Variants in SOX6 observed in about 807,000 individuals in gnomAD.
SOX6 encodes the protein transcription factor SOX-6.
Under a neutral mutation model 97.8 loss-of-function variants are expected in SOX6, and 11 were observed. That is an observed-to-expected ratio of 0.11 (90% CI 0.07 to 0.19). The LOEUF is 0.19. Among genes scored for constraint, SOX6 ranks in the 10% least tolerant of loss-of-function variants. The probability of loss-of-function intolerance (pLI) is 1.00; values close to 1 mark genes in which losing one functional copy is unlikely to be tolerated. For synonymous variants in SOX6, 360 were observed against 371.4 expected (o/e 0.97, Z 0.35); for missense variants, 810 against 1,039.5 (o/e 0.78, Z 3.04).
intron 6 of SOX6, among the ~76,000 whole-genome samples, chr11:16,158,729 T>G (rs16932650): frequency 6.6e-6 from 1 of 151,932 alleles, no homozygotes; most frequent in Admixed American, 6.6e-5. Context: ...GGAATTGATA[T>G]AAAATTTTGC....
chr11:16,000,037 C>T (rs1269568433), intron 13 of SOX6, among the ~76,000 whole-genome samples: 1 of 152,130 alleles, frequency 6.6e-6, no homozygotes, highest in Non-Finnish European at 1.5e-5. Flanking sequence ...TATCTTAATA[C>T]AACAGAGGTC....
At position 16,164,887 on chromosome 11, in the gene SOX6, T is replaced by C. The variant is rs573732523; in HGVS notation, c.777+18999A>G. 2.0e-5 allele frequency among the ~76,000 whole-genome samples: 3 copies of C among 151,998 alleles called. No homozygotes were observed. The South Asian group carries it at 6.3e-4, about 32-fold the overall frequency. On this transcript the variant is annotated intron_variant, in intron 6 of 15. Transcript: ENST00000683767. ...CACAGAGAGACAACAGTATGTCTCA[T>C]ATTTCCTGTATTGATTGACTTCATA...
intron 4 of SOX6, among the ~76,000 whole-genome samples, chr11:16,482,773 AC>A (rs78106498): frequency 0.22 from 33,366 of 152,110 alleles, 4,154 homozygotes; most frequent in East Asian, 0.51. Flanking sequence ...CCTTATACAT[AC>A]TTCACATTTC....
intron 1 of SOX6, among the ~76,000 whole-genome samples, chr11:16,408,394 C>T (rs1042601226): frequency 6.7e-6 from 1 of 150,162 alleles, no homozygotes; most frequent in Non-Finnish European, 1.5e-5. Context: ...TCCTTAAGAA[C>T]ATTGTCTCTA....
At chr11:16,217,475 C>T (rs1590038134) in intron 4 of SOX6, among the ~76,000 whole-genome samples, 1 of 151,920 alleles carries the variant, frequency 6.6e-6, no homozygotes, top group South Asian at 2.1e-4. Flanking sequence ...CAATGTACTT[C>T]TAAAATAAAA....
chr11:16,107,655 T>TTA (rs1264984179), intron 7 of SOX6, among the ~76,000 whole-genome samples: 1 of 151,880 alleles, frequency 6.6e-6, no homozygotes, highest in Admixed American at 6.6e-5. Flanking sequence ...GAGAGAGTTA[T>TTA]TATTTAATGG....
intron 6 of SOX6, among the ~76,000 whole-genome samples, chr11:16,151,732 G>A (rs1359495047): frequency 6.6e-6 from 1 of 152,062 alleles, no homozygotes; most frequent in African/African-American, 2.4e-5. Flanking sequence ...TAAAAACTAT[G>A]GCAAGCTGAA....
chr11:16,432,265 G>A (rs1859286042), intron 1 of SOX6, among the ~76,000 whole-genome samples: 1 of 152,026 alleles, frequency 6.6e-6, no homozygotes, highest in Non-Finnish European at 1.5e-5. Flanking sequence ...ACAATGAAAA[G>A]ACATCAGCAC....
chr11:16,588,449 T>C (rs187208073), intron 4 of SOX6, among the ~76,000 whole-genome samples: 21 of 152,282 alleles, frequency 1.4e-4, no homozygotes, highest in African/African-American at 4.6e-4. Flanking sequence ...AAGAGAGTAC[T>C]GATAATAATG....
At position 16,345,687 on chromosome 11, in the gene SOX6, A is replaced by T. The variant is rs547885131; in HGVS notation, c.-4-4435T>A. 4.8e-4 allele frequency among the ~76,000 whole-genome samples: 73 copies of T among 152,048 alleles called. 1 individual carries two copies. The highest frequency in any genetic ancestry group is 8.8e-4 in the Non-Finnish European group (60 of 67,964). ...TGAGAATGCTGGATATGTGCACATT[A>T]AGTCTTCTATCTCAGAATATCATAT... On this transcript the variant is annotated intron_variant, in intron 1 of 15. Transcript: ENST00000683767.
chr11:16,558,603 C>G (rs1328859117), intron 4 of SOX6, among the ~76,000 whole-genome samples: 1 of 151,954 alleles, frequency 6.6e-6, no homozygotes, highest in Non-Finnish European at 1.5e-5. Context: ...CTCAAGACTT[C>G]CAACATTCTA....
intron 2 of SOX6, among the ~76,000 whole-genome samples, chr11:16,325,851 TA>T (rs1856071805): frequency 6.6e-6 from 1 of 152,134 alleles, no homozygotes; most frequent in South Asian, 2.1e-4. Flanking sequence ...AGCAACCTTA[TA>T]AAAGTGCTGA....
In SOX6 at chr11:16,584,786, G is replaced by A. The variant is rs140247928; in HGVS notation, n.609+27295C>T. Among the ~76,000 whole-genome samples, 951 of 152,248 alleles carry A rather than the reference G, an allele frequency of 6.2e-3. 3 individuals carry two copies. Among genetic ancestry groups the A allele is most frequent in the African/African-American group, 0.021 (853 of 41,548 alleles). On this transcript the variant is annotated intron_variant and non_coding_transcript_variant, in intron 4 of 5. Coordinates refer to the SOX6 transcript ENST00000524520. ...AGGGTCACCAACTCAACACCACAGC[G>A]GCCTTCACCCACAGCCTTCTGTGGC...
chr11:16,358,982 G>A (rs760776574), upstream of SOX6, among the ~76,000 whole-genome samples: 1 of 152,050 alleles, frequency 6.6e-6, no homozygotes, highest in Admixed American at 6.6e-5. Flanking sequence ...ACATACAGAG[G>A]CATATAAATA....
chr11:16,175,764 TTTTTTGTCTTA>T (rs377759814), intron 6 of SOX6, among the ~76,000 whole-genome samples: 5 of 151,916 alleles, frequency 3.3e-5, no homozygotes, highest in African/African-American at 7.2e-5. Context: ...ATTTTCTAAC[TTTTTTGTCTTA>T]TTTTTGTCTT....
chr11:16,714,638 G>T, intron 3 of SOX6, among the ~76,000 whole-genome samples: 1 of 151,962 alleles, frequency 6.6e-6, no homozygotes. Context: ...TTTTAGTAGA[G>T]ACGGGGTTTC....
intron 1 of SOX6, chr11:16,434,300 C>T (rs1316151315): frequency 6.6e-6 from 1 of 151,954 alleles, no homozygotes; most frequent in Non-Finnish European, 1.5e-5. Flanking sequence ...TGTTTTTCTG[C>T]TTCTGGAATG....
exon 4 of SOX6, chr11:16,612,082 GT>G (rs1308038557): frequency 3.3e-5 from 5 of 152,706 alleles, no homozygotes; most frequent in African/African-American, 1.2e-4. Context: ...TGTACTTACA[GT>G]GACAGAGGGC....
chr11:16,379,473 AG>A (rs1371474590), intron 1 of SOX6, among the ~76,000 whole-genome samples: 1 of 152,152 alleles, frequency 6.6e-6, no homozygotes, highest in African/African-American at 2.4e-5. Flanking sequence ...TCTCAAAAAA[AG>A]AAAAAAAAAT....
Sources: allele counts gnomAD v4.1 joint callset (sites outside exome capture counted in the v4.1 genomes callset), GRCh38; gene constraint gnomAD v4.1.1; transcripts MANE v1.5; gene names NCBI Gene and HGNC (gene_info 2026-07-23, HGNC 2026-07-21).